The following SEMA5A variants were observed in gnomAD, a reference collection of about 807,000 sequenced individuals.
SEMA5A encodes semaphorin-5A.
SEMA5A carries 55 observed loss-of-function variants against 135.5 expected under a neutral mutation model. The ratio of observed to expected loss-of-function variants is 0.41; its 90% CI spans 0.33 to 0.51. The LOEUF (loss-of-function observed/expected upper bound fraction) is 0.51, where lower values mean the gene tolerates loss of function less well. Among genes scored for constraint, SEMA5A ranks in the 20% least tolerant of loss-of-function variants. The pLI is 0.37. For missense variants in SEMA5A, 1,290 were observed against 1,419.9 expected, an observed-to-expected ratio of 0.91 and a Z score of 1.47; for synonymous variants, 580 against 546.5, an observed-to-expected ratio of 1.06 and a Z score of -0.85.
chr5:9,381,944 G>GTGTGTGTGTGTA (rs1755630296), intron 2 of SEMA5A, among the ~76,000 whole-genome samples: 1 of 114,126 alleles, frequency 8.8e-6, no homozygotes, highest in Non-Finnish European at 1.8e-5. Flanking sequence ...GAATCATTTT[G>GTGTGTGTGTGTA]TGTGTGTGTG....
chr5:9,293,969 T>A (rs866555979), intron 5 of SEMA5A, among the ~76,000 whole-genome samples: 1 of 152,208 alleles, frequency 6.6e-6, no homozygotes, highest in African/African-American at 2.4e-5. Context: ...GTCCATACAG[T>A]TATTCTCCAT....
intron 3 of SEMA5A, among the ~76,000 whole-genome samples, chr5:9,346,270 A>C (rs1579383827): frequency 6.6e-6 from 1 of 151,998 alleles, no homozygotes. Flanking sequence ...GGGGAAGATA[A>C]CCTTCCTGCC....
At chr5:9,447,114 C>G (rs1285816981) in intron 1 of SEMA5A, among the ~76,000 whole-genome samples, 1 of 152,174 alleles carries the variant, frequency 6.6e-6, no homozygotes, top group Non-Finnish European at 1.5e-5. Flanking sequence ...AAAAACAGAA[C>G]AGGCAGTAGA....
intron 11 of SEMA5A, among the ~76,000 whole-genome samples, chr5:9,186,314 G>A (rs969202993): frequency 3.3e-5 from 5 of 152,160 alleles, no homozygotes; most frequent in Admixed American, 6.5e-5. Context: ...GAGGCAAGAC[G>A]CAGATGAACT....
intron 3 of SEMA5A, among the ~76,000 whole-genome samples, chr5:9,368,485 TCAC>T (rs1321608715): frequency 3.3e-5 from 5 of 152,218 alleles, no homozygotes; most frequent in Non-Finnish European, 7.3e-5. Flanking sequence ...ATAAAACCTG[TCAC>T]CACCTCTTCA....
chr5:9,135,776 G>A (rs1741704755), intron 13 of SEMA5A, among the ~76,000 whole-genome samples: 1 of 151,958 alleles, frequency 6.6e-6, no homozygotes, highest in Non-Finnish European at 1.5e-5. Flanking sequence ...ACACATAAGA[G>A]AATTTAAGAT....
At position 9,041,456 on chromosome 5, in the gene SEMA5A, T is replaced by C. The variant is rs1006067882; in HGVS notation, c.*1441A>G. 8 of 152,220 alleles carry C rather than the reference T, an allele frequency of 5.3e-5. No individual in the cohort carries two copies. Among genetic ancestry groups the C allele is most frequent in the African/African-American group, 1.7e-4 (7 of 41,458 alleles). The allele number at this position is 152,220 out of a possible 1,614,324, so 9.4% of individuals were successfully genotyped here. On this transcript the variant is annotated 3_prime_UTR_variant, in exon 23 of 23. Coordinates refer to ENST00000382496, the MANE Select transcript of SEMA5A (RefSeq NM_003966.3). ...TTATTCAACCAACTGCCATAGGTTA[T>C]GTATTGGTTGTTTGTGAGAAAATTA... is the stretch of plus-strand genomic sequence containing the variant.
At chr5:9,216,443 GAGA>G (rs1329708469) in intron 8 of SEMA5A, among the ~76,000 whole-genome samples, 1 of 152,162 alleles carries the variant, frequency 6.6e-6, no homozygotes, top group Non-Finnish European at 1.5e-5. Flanking sequence ...ATGTGACAAT[GAGA>G]AGAATATATG....
chr5:9,043,098 T>C, intron 22 of SEMA5A, 82 bp from the exon 23 acceptor site: 3 of 1,265,460 alleles, frequency 2.4e-6, no homozygotes, highest in Non-Finnish European at 3.3e-6. Context: ...GACTATTATG[T>C]TGAATTTGAG....
At chr5:9,249,193 G>A (rs1384114084) in intron 5 of SEMA5A, among the ~76,000 whole-genome samples, 1 of 152,166 alleles carries the variant, frequency 6.6e-6, no homozygotes, top group East Asian at 1.9e-4. Context: ...GAGAAGCTCT[G>A]AAAACAGAGT....
chr5:9,390,758 C>T (rs1756125102), intron 2 of SEMA5A, among the ~76,000 whole-genome samples: 1 of 151,076 alleles, frequency 6.6e-6, no homozygotes, highest in East Asian at 1.9e-4. Flanking sequence ...ATAAGAAATC[C>T]ATCCTAAAAG....
chr5:9,337,698 T>G lies in SEMA5A; in HGVS notation c.224+15A>C, dbSNP rs1753453544. The G allele has an allele frequency of 6.3e-7, 1 of 1,583,516 alleles. No individual in the cohort carries two copies. Among genetic ancestry groups the G allele is most frequent in the African/African-American group, 1.3e-5 (1 of 74,316 alleles). On this transcript the variant is annotated intron_variant, in intron 4 of 22. Transcript: ENST00000382496. ...TCCAAAAATATCTGTGGTGGCAAAA[T>G]ACAATATCTCTCACCTTGCTCCTAC...
rs545546956 is a variant in SEMA5A, at chr5:9,545,510, A to AGCGGCGCGGC, written c.-175+64_-175+73dup. The AGCGGCGCGGC allele has an allele frequency of 1.8e-4, 27 of 152,094 alleles. No homozygotes were observed. The highest frequency in any genetic ancestry group is 3.2e-4 in the Non-Finnish European group (22 of 68,104). 9.4% of individuals were successfully genotyped at this position (152,094 alleles called of 1,614,324 possible). On this transcript the variant is annotated intron_variant, in intron 1 of 22. Transcript: ENST00000382496. This position sits in a 1 kb window ranked among gnomAD's most constrained non-coding sequence, Gnocchi z 4.5. ...CCGCTGCAGTCCCCGGGTCCCGGCC[A>AGCGGCGCGGC]GCGGCGCGGCGCGGCGCGGCGCGGT... is the stretch of plus-strand genomic sequence containing the variant.
At position 9,077,385 on chromosome 5, in the gene SEMA5A, T is replaced by A. The variant is rs146043895; in HGVS notation, c.2074-10739A>T. Among the ~76,000 whole-genome samples the A allele has an allele frequency of 6.6e-3, 1,009 of 152,310 alleles. 36 individuals carry two copies. The highest frequency in any genetic ancestry group is 0.057 in the Admixed American group (879 of 15,294). ...GGGAGAGGTTAATGATTTAGATATT[T>A]TAGATATTCCTGGTTTCTTTCCACT... On this transcript the variant is annotated intron_variant, in intron 16 of 22. Transcript: ENST00000382496.
chr5:9,219,139 T>C (rs1473369983), intron 8 of SEMA5A, among the ~76,000 whole-genome samples: 1 of 152,238 alleles, frequency 6.6e-6, no homozygotes, highest in Non-Finnish European at 1.5e-5. Flanking sequence ...AAGCTTCTAC[T>C]GTCTATCTCA....
At chr5:9,174,790 CA>C (rs1340108811) in intron 11 of SEMA5A, among the ~76,000 whole-genome samples, 1 of 152,172 alleles carries the variant, frequency 6.6e-6, no homozygotes, top group African/African-American at 2.4e-5. Flanking sequence ...CACTTTGCAC[CA>C]GTAAATACAG....
chr5:9,313,868 A>G (rs1043679017), intron 5 of SEMA5A, among the ~76,000 whole-genome samples: 3 of 152,212 alleles, frequency 2.0e-5, no homozygotes, highest in African/African-American at 7.2e-5. Flanking sequence ...TTTGGAAAAC[A>G]ATATGCAGCA....
At chr5:9,233,474 T>C (rs112506910) in intron 6 of SEMA5A, among the ~76,000 whole-genome samples, 1,765 of 152,080 alleles carry the variant, frequency 0.012, 32 homozygotes, top group African/African-American at 0.04. Context: ...CCACTTTTTT[T>C]CCCCCATGGA....
chr5:9,399,093 A>G (rs1332403892), intron 2 of SEMA5A, among the ~76,000 whole-genome samples: 1 of 152,210 alleles, frequency 6.6e-6, no homozygotes, highest in African/African-American at 2.4e-5. Context: ...TCCCACTCCT[A>G]TGTCTATATC....
Sources: allele counts gnomAD v4.1 joint callset (sites outside exome capture counted in the v4.1 genomes callset), GRCh38; gene constraint gnomAD v4.1.1; non-coding constraint Gnocchi (gnomAD v3.1); transcripts MANE v1.5; gene names NCBI Gene and HGNC (gene_info 2026-07-23, HGNC 2026-07-21).